The following TRAPPC8 variants were observed in gnomAD, a reference collection of about 807,000 sequenced individuals.
TRAPPC8 encodes the protein trafficking protein particle complex subunit 8.
In TRAPPC8, 54 loss-of-function variants were observed where a neutral mutation model predicts 174.3. The ratio of observed to expected loss-of-function variants is 0.31; its 90% confidence interval spans 0.25 to 0.39. The LOEUF (loss-of-function observed/expected upper bound fraction) is 0.39. Ranked by LOEUF, TRAPPC8 falls within the 10% of genes least tolerant of loss-of-function variation. The pLI, the probability that TRAPPC8 is intolerant of heterozygous loss-of-function variation, is 1.00. For synonymous variants in TRAPPC8, 630 were observed against 579.9 expected, an observed-to-expected ratio of 1.09 and a Z score of -1.24; for missense variants, 1,531 against 1,699.1, an observed-to-expected ratio of 0.90 and a Z score of 1.74.
chr18:31,879,767 A>G (rs545545905), intron 12 of TRAPPC8, among the ~76,000 whole-genome samples: 57 of 152,150 alleles, frequency 3.7e-4, no homozygotes, highest in African/African-American at 1.2e-3. Flanking sequence ...AAGCACAATC[A>G]GATATGACAA....
At chr18:31,852,392 A>G in intron 24 of TRAPPC8, 54 bp downstream of exon 24, 2 of 1,585,348 alleles carry the variant, frequency 1.3e-6, no homozygotes, top group African/African-American at 1.4e-5. Context: ...AAAAATACCC[A>G]GATATGCTAT....
At chr18:31,915,261 G>T in intron 4 of TRAPPC8, among the ~76,000 whole-genome samples, 1 of 149,936 alleles carries the variant, frequency 6.7e-6, no homozygotes, top group Middle Eastern at 3.7e-3. Flanking sequence ...CTGAGTTCCA[G>T]AGCAGCCTGG....
chr18:31,902,413 G>A (rs2036472043), intron 9 of TRAPPC8, among the ~76,000 whole-genome samples: 2 of 152,186 alleles, frequency 1.3e-5, no homozygotes, highest in Admixed American at 6.5e-5. Context: ...ACAGCAAGAG[G>A]TTATTTCTGT....
In TRAPPC8 at chr18:31,857,544, T is replaced by C; in HGVS notation, c.3184A>G (p.Ile1062Val). The C allele has an allele frequency of 6.3e-7, 1 of 1,586,950 alleles. No homozygotes were observed. The highest frequency in any genetic ancestry group is 8.6e-7 in the Non-Finnish European group (1 of 1,167,684). Residue 1062 changes from isoleucine (I) to valine (V), a missense_variant, in exon 20 of 29, where the codon ATA becomes GTA. By Grantham distance (29) the Ile-to-Val change is conservative (BLOSUM62 3). Transcript: ENST00000283351. The stretch of plus-strand genomic sequence containing the variant: ...TATAAGTTTTATAATACTAACCGTA[T>C]TTTTGGCTGCTTTTTGACACTTTCA... Reference protein sequence around the residue: ...YYESVKKQPKIRHRILRHTAI... With the variant: ...YYESVKKQPKVRHRILRHTAI...
intron 4 of TRAPPC8, among the ~76,000 whole-genome samples, chr18:31,915,944 C>G (rs1247709808): frequency 2.0e-5 from 3 of 149,030 alleles, no homozygotes; most frequent in African/African-American, 7.4e-5. Context: ...GTAATTCCAG[C>G]TACTCAGGAG....
At chr18:31,861,111 C>A (rs1019306697) in intron 19 of TRAPPC8, among the ~76,000 whole-genome samples, 3 of 152,160 alleles carry the variant, frequency 2.0e-5, no homozygotes, top group South Asian at 2.1e-4. Context: ...TAGAAAAGGT[C>A]TCTGCTCTAA....
At chr18:31,935,907 TTG>T (rs1312548010) in intron 1 of TRAPPC8, among the ~76,000 whole-genome samples, 5 of 150,102 alleles carry the variant, frequency 3.3e-5, no homozygotes, top group Non-Finnish European at 5.9e-5. Flanking sequence ...GGCTAATTTT[TTG>T]TGTTTTTTTA....
chr18:31,902,569 T>C (rs1481210588), intron 9 of TRAPPC8, among the ~76,000 whole-genome samples: 1 of 152,188 alleles, frequency 6.6e-6, no homozygotes, highest in Admixed American at 6.5e-5. Flanking sequence ...CATGGGCCTC[T>C]GATATGCTGA....
chr18:31,935,619 C>G (rs1252254309), intron 1 of TRAPPC8, among the ~76,000 whole-genome samples: 1 of 149,836 alleles, frequency 6.7e-6, no homozygotes, highest in South Asian at 2.1e-4. Flanking sequence ...ACTGGACCCA[C>G]TGCACCCAGT....
rs1413747091 is a variant in TRAPPC8 at position 31,909,250 on chromosome 18, G to A, written c.866-240C>T. Among the ~76,000 whole-genome samples, 3 of 151,882 alleles carry A rather than the reference G, an allele frequency of 2.0e-5. No homozygotes were observed. The East Asian group carries it at 5.8e-4, about 29-fold the overall frequency. On this transcript the variant is annotated intron_variant, in intron 6 of 28. Coordinates refer to ENST00000283351, the MANE Select transcript of TRAPPC8 (RefSeq NM_014939.5). ...TGAAAATCGGTATAAACCAGGAAATGGAGAAAAATACTTTATTTTAAATAA... is the reference window on the plus strand; with the variant it reads ...TGAAAATCGGTATAAACCAGGAAATAGAGAAAAATACTTTATTTTAAATAA...
At chr18:31,941,399 C>T (rs1344446651) in intron 1 of TRAPPC8, among the ~76,000 whole-genome samples, 2 of 152,036 alleles carry the variant, frequency 1.3e-5, no homozygotes, top group East Asian at 1.9e-4. Flanking sequence ...GCTGAGATCG[C>T]GCCACTGCAC....
At position 31,876,489 on chromosome 18, in the gene TRAPPC8, C is replaced by CAAAAAAA. The variant is rs71175801; in HGVS notation, c.1729-1792_1729-1786dup. ...TGGGCTACACTGCGAGACTCCATCT[C>CAAAAAAA]AAAAAAAAAAAAAAAAAAAAAAAGA... On this transcript the variant is annotated intron_variant, in intron 12 of 28. Coordinates refer to ENST00000283351, the MANE Select transcript of TRAPPC8 (RefSeq NM_014939.5). Among the ~76,000 whole-genome samples the CAAAAAAA allele has an allele frequency of 8.8e-4, 43 of 48,710 alleles. 3 individuals are homozygous for CAAAAAAA. The highest frequency in any genetic ancestry group is 3.7e-3 in the African/African-American group (39 of 10,624). The allele number at this position is 48,710 out of a possible 152,430, so 32.0% of individuals were successfully genotyped here.
intron 17 of TRAPPC8, 55 bp from the exon 18 acceptor site, chr18:31,867,030 C>T: frequency 6.4e-7 from 1 of 1,573,534 alleles, no homozygotes; most frequent in East Asian, 2.3e-5. Flanking sequence ...TTAAATAGCA[C>T]AATACCTAAT....
At chr18:31,935,560 A>AAAAAAAAAAAAAAAAAAAAAC (rs2038059138) in intron 1 of TRAPPC8, among the ~76,000 whole-genome samples, 1 of 145,208 alleles carries the variant, frequency 6.9e-6, no homozygotes, top group African/African-American at 2.6e-5. Flanking sequence ...AAAAAAAAAA[A>AAAAAAAAAAAAAAAAAAAAAC]AAAAAAAAGC....
intron 12 of TRAPPC8, among the ~76,000 whole-genome samples, chr18:31,876,489 C>CACAAAAAAAAA (rs2035152794): frequency 2.1e-5 from 1 of 48,722 alleles, no homozygotes; most frequent in Non-Finnish European, 3.6e-5. Context: ...GACTCCATCT[C>CACAAAAAAAAA]AAAAAAAAAA....
At chr18:31,918,023 G>A (rs1184643141) in intron 2 of TRAPPC8, among the ~76,000 whole-genome samples, 3 of 152,112 alleles carry the variant, frequency 2.0e-5, no homozygotes, top group African/African-American at 7.2e-5. Flanking sequence ...CTACTCAGCA[G>A]GCTGAGGCAG....
chr18:31,841,201 T>C (rs894406585), intron 26 of TRAPPC8, among the ~76,000 whole-genome samples: 1 of 152,136 alleles, frequency 6.6e-6, no homozygotes, highest in African/African-American at 2.4e-5. Flanking sequence ...GAAAAGGAAC[T>C]TGATTATGGG....
At chr18:31,881,830 C>T (rs138160163) in intron 12 of TRAPPC8, among the ~76,000 whole-genome samples, 11 of 151,942 alleles carry the variant, frequency 7.2e-5, no homozygotes, top group African/African-American at 2.4e-4. Flanking sequence ...GGGCAAAGGA[C>T]GTAAGGTACT....
At chr18:31,898,630 T>C (rs2036282121) in intron 10 of TRAPPC8, among the ~76,000 whole-genome samples, 1 of 152,248 alleles carries the variant, frequency 6.6e-6, no homozygotes, top group Non-Finnish European at 1.5e-5. Flanking sequence ...GTAGTACCAT[T>C]AGGATATTTC....
Sources: allele counts gnomAD v4.1 joint callset (sites outside exome capture counted in the v4.1 genomes callset), GRCh38; gene constraint gnomAD v4.1.1; transcripts MANE v1.5; gene names NCBI Gene and HGNC (gene_info 2026-07-23, HGNC 2026-07-21).